Variants in GCLM observed in about 807,000 individuals in gnomAD.
The protein encoded by GCLM is glutamate-cysteine ligase modifier subunit, also known as glutamate--cysteine ligase regulatory subunit.
A neutral mutation model predicts 36.0 loss-of-function variants in GCLM; 15 were observed. The ratio of observed to expected loss-of-function variants is 0.42; its 90% CI spans 0.28 to 0.64. GCLM has a LOEUF of 0.64. GCLM is among the 30% of genes least tolerant of loss of function. GCLM has a pLI of 0.25. For missense variants in GCLM, 242 were observed against 325.5 expected (o/e 0.74, Z 1.97); for synonymous variants, 129 against 122.8 (o/e 1.05, Z -0.34).
rs1803635 is a variant in GCLM, at chr1:93,901,646, G to T, written c.216C>A (p.Cys72Ter). 3.2e-6 allele frequency: 5 copies of T among 1,561,690 alleles called. No homozygotes were observed. Among genetic ancestry groups the T allele is most frequent in the Non-Finnish European group, 4.4e-6 (5 of 1,135,248 alleles). The change falls in exon 3 of 7, where the codon TGC becomes TGA. Residue 72 changes from cysteine to a stop codon, truncating the protein, a stop_gained. Transcript: ENST00000370238. LOFTEE classifies it high-confidence loss of function. ...TCTTTTCTACTGCATGAGATACAGT[G>T]CATTCCAAGACATCTGGAAACTCCT... The part of the protein sequence containing the change: ...LVREFPDVLE[C>*]TVSHAVEKIN...
chr1:93,896,863 T>C (rs968654430), intron 4 of GCLM, 43 bp from the exon 5 acceptor site: 3 of 1,048,528 alleles, frequency 2.9e-6, no homozygotes, highest in Non-Finnish European at 4.5e-6. Flanking sequence ...GCTTACATCA[T>C]AAAAACAAAT....
intron 2 of GCLM, chr1:93,904,239 A>T (rs758133191): frequency 8.0e-6 from 3 of 375,368 alleles, no homozygotes; most frequent in Non-Finnish European, 1.5e-5. Context: ...TTCCTCTCCT[A>T]GACCAAATAT....
At chr1:93,901,417 C>T (rs528248871) in intron 3 of GCLM, among the ~76,000 whole-genome samples, 168 bp downstream of exon 3, 1 of 152,142 alleles carries the variant, frequency 6.6e-6, no homozygotes, top group East Asian at 1.9e-4. Context: ...TAATAGCCAG[C>T]ACTGACCTCT....
intron 4 of GCLM, 23 bp downstream of exon 4, chr1:93,897,816 T>TA (rs764938583): frequency 2.9e-6 from 4 of 1,366,200 alleles, no homozygotes; most frequent in East Asian, 2.5e-5. Context: ...ACTATTAAGA[T>TA]AAAAAATTCA....
chr1:93,908,880 G>C (rs986474981), intron 1 of GCLM, 158 bp downstream of exon 1: 1 of 514,360 alleles, frequency 1.9e-6, no homozygotes, highest in Non-Finnish European at 3.1e-6. Context: ...CCAAGGTCGC[G>C]TCGACACTGG....
At chr1:93,901,729 A>G in intron 2 of GCLM, 60 bp from the exon 3 acceptor site, 2 of 917,888 alleles carry the variant, frequency 2.2e-6, no homozygotes. Context: ...TTAATTATAA[A>G]ATTTTCTATT....
At chr1:93,894,296 T>C (rs35618697) in intron 6 of GCLM, among the ~76,000 whole-genome samples, 1 of 151,776 alleles carries the variant, frequency 6.6e-6, no homozygotes, top group Non-Finnish European at 1.5e-5. Flanking sequence ...GGTCCAGTCT[T>C]TGCTATACTA....
chr1:93,906,258 T>C (rs1480532729), intron 1 of GCLM, among the ~76,000 whole-genome samples: 4 of 152,218 alleles, frequency 2.6e-5, no homozygotes, highest in Non-Finnish European at 5.9e-5. Context: ...GTAAAGCATA[T>C]TTATAATCAA....
In GCLM at chr1:93,897,784, C is replaced by T. The variant is rs1407306118; in HGVS notation, c.337+55G>A. The T allele has an allele frequency of 6.4e-5, 55 of 856,278 alleles. No homozygotes were observed. The East Asian group carries it at 1.4e-3, about 22-fold the overall frequency. The allele number at this position is 856,278 out of a possible 1,614,324, so 53.0% of individuals were successfully genotyped here. A position where few individuals can be genotyped will look rare whatever the true frequency, so the allele number is the denominator to read the frequency against. ...ACCTAAGCACAAGTTATAACTAATA[C>T]ACCTATACTAATTTAAAGTCCACTA... On this transcript the variant is annotated intron_variant, in intron 4 of 6. Coordinates refer to ENST00000370238, the MANE Select transcript of GCLM (RefSeq NM_002061.4).
At position 93,901,541 on chromosome 1, in the gene GCLM, G is replaced by A. The variant is rs7515191; in HGVS notation, c.277+44C>T. ...ATTCTAATGCCTAACAAAATCTATCGCTTCCGCTATGTAACAAAATAAACA... is the reference window on the plus strand; with the variant it reads ...ATTCTAATGCCTAACAAAATCTATCACTTCCGCTATGTAACAAAATAAACA... On this transcript the variant is annotated intron_variant, in intron 3 of 6. Coordinates refer to ENST00000370238, the MANE Select transcript of GCLM (RefSeq NM_002061.4). The A allele has an allele frequency of 0.36, 352,285 of 975,892 alleles. 69,074 individuals carry two copies. Among genetic ancestry groups the A allele is most frequent in the African/African-American group, 0.68 (42,092 of 61,512 alleles). The allele number at this position is 975,892 out of a possible 1,614,324, so 60.5% of individuals were successfully genotyped here.
Position 93,894,605 on chromosome 1 carries a change from C to T in GCLM, c.655+9G>A, listed in dbSNP as rs990376118. On this transcript the variant is annotated intron_variant, in intron 6 of 6. Coordinates refer to ENST00000370238, the MANE Select transcript of GCLM (RefSeq NM_002061.4). Reference sequence around the variant, plus strand: ...TGATCAATCTCTATAATGAAAATATCAGTTTTACCTTTTGGATCATTGTGA... The same window carrying T: ...TGATCAATCTCTATAATGAAAATATTAGTTTTACCTTTTGGATCATTGTGA... The T allele has an allele frequency of 1.5e-5, 20 of 1,350,660 alleles. No homozygotes were observed. The highest frequency in any genetic ancestry group is 1.8e-5 in the Non-Finnish European group (17 of 942,330). The allele number at this position is 1,350,660 out of a possible 1,614,324, so 83.7% of individuals were successfully genotyped here.
chr1:93,897,993 T>C (rs180689306), intron 3 of GCLM, 95 bp from the exon 4 acceptor site: 1 of 510,018 alleles, frequency 2.0e-6, no homozygotes, highest in African/African-American at 2.0e-5. Context: ...AGATGTCAGA[T>C]AATCCTGAAT....
chr1:93,888,993 AG>A lies in GCLM; in HGVS notation c.821del (p.Ser274PhefsTer3). 1.3e-6 allele frequency: 2 copies of A among 1,586,024 alleles called. No homozygotes were observed. The highest frequency in any genetic ancestry group is 1.7e-6 in the Non-Finnish European group (2 of 1,168,206). On this transcript the variant is annotated frameshift_variant, in exon 7 of 7. Transcript: ENST00000370238. LOFTEE classifies it high-confidence loss of function. ...GYILQAKRRG[S>X] ...GTAAGTTATGCTCCTAAGTCAGTTA[AG>A]AACCCCTTCTTTTAGCTTGTAAAAT...
intron 6 of GCLM, among the ~76,000 whole-genome samples, chr1:93,894,394 T>C (rs1469267699): frequency 1.3e-5 from 2 of 152,134 alleles, no homozygotes; most frequent in East Asian, 1.9e-4. Flanking sequence ...AGACCAGATG[T>C]TCAGGAAATG....
intron 1 of GCLM, among the ~76,000 whole-genome samples, chr1:93,905,448 C>T (rs1035264021): frequency 1.3e-5 from 2 of 152,112 alleles, no homozygotes; most frequent in Admixed American, 6.5e-5. Context: ...TTCATTTTAA[C>T]AAGCATCCTA....
chr1:93,896,231 G>A (rs947414802), intron 5 of GCLM, among the ~76,000 whole-genome samples: 3 of 152,058 alleles, frequency 2.0e-5, no homozygotes, highest in Non-Finnish European at 4.4e-5. Flanking sequence ...AAAGTGCTGG[G>A]ATTACAGATG....
intron 6 of GCLM, among the ~76,000 whole-genome samples, chr1:93,891,729 G>A (rs1293546808): frequency 6.6e-6 from 1 of 152,194 alleles, no homozygotes; most frequent in Non-Finnish European, 1.5e-5. Flanking sequence ...TAGGGATTAA[G>A]TGAGCATCTT....
rs536448856 is a variant in GCLM, at chr1:93,888,934, T to C, written c.*56A>G. 7 of 1,215,536 alleles carry C rather than the reference T, an allele frequency of 5.8e-6. No individual in the cohort carries two copies. The highest frequency in any genetic ancestry group is 8.0e-6 in the Non-Finnish European group (7 of 874,160). 75.3% of individuals were successfully genotyped at this position (1,215,536 alleles called of 1,614,324 possible). On this transcript the variant is annotated 3_prime_UTR_variant, in exon 7 of 7. Transcript: ENST00000370238. Reference sequence around the variant, plus strand: ...CAGGCAGTAACTAGATTTTTACACATCTCAATTTTCTCTCATATTGAAGGA... The same window carrying C: ...CAGGCAGTAACTAGATTTTTACACACCTCAATTTTCTCTCATATTGAAGGA...
At chr1:93,892,203 T>C (rs1486245446) in intron 6 of GCLM, among the ~76,000 whole-genome samples, 1 of 152,228 alleles carries the variant, frequency 6.6e-6, no homozygotes, top group Admixed American at 6.5e-5. Flanking sequence ...AGTTAAATTG[T>C]TATTACACTT....
Sources: allele counts gnomAD v4.1 joint callset (sites outside exome capture counted in the v4.1 genomes callset), GRCh38; gene constraint gnomAD v4.1.1; transcripts MANE v1.5; gene names NCBI Gene and HGNC (gene_info 2026-07-23, HGNC 2026-07-21).